Variants in KMT2C observed in about 807,000 individuals in gnomAD.
KMT2C encodes the protein histone-lysine N-methyltransferase 2C.
Under a neutral mutation model 507.9 loss-of-function variants are expected in KMT2C, and 88 were observed. The ratio of observed to expected loss-of-function variants is 0.17; its 90% CI spans 0.15 to 0.21. KMT2C has a LOEUF of 0.21. Ranked by LOEUF, KMT2C falls within the 10% of genes least tolerant of loss-of-function variation. KMT2C has a pLI of 1.00. For synonymous variants in KMT2C, 2,049 were observed against 2,080.8 expected (o/e 0.98, Z 0.42); for missense variants, 4,954 against 5,957.8 (o/e 0.83, Z 5.55).
intron 1 of KMT2C, chr7:152,367,820 G>T: frequency 2.2e-6 from 2 of 924,760 alleles, no homozygotes; most frequent in Non-Finnish European, 3.6e-6. Flanking sequence ...CTAATAGCAG[G>T]GTGCAGTGTT....
chr7:152,189,483 T>A (rs1458355477), intron 31 of KMT2C, among the ~76,000 whole-genome samples: 2 of 151,994 alleles, frequency 1.3e-5, no homozygotes, highest in Admixed American at 1.3e-4. Flanking sequence ...ATCACTTGAT[T>A]TTTTTTTATC....
intron 1 of KMT2C, among the ~76,000 whole-genome samples, chr7:152,365,986 C>A (rs1048752307): frequency 1.3e-5 from 2 of 152,038 alleles, no homozygotes; most frequent in Non-Finnish European, 2.9e-5. Context: ...ACCAAAAAAA[C>A]ATGAAAAGAT....
rs772218976 is a variant in KMT2C, at chr7:152,176,913, T to C, written c.8540A>G (p.Asp2847Gly). 6.8e-6 allele frequency: 11 copies of C among 1,614,190 alleles called. No homozygotes were observed. The South Asian group carries it at 1.2e-4, about 18-fold the overall frequency. The change falls in exon 38 of 59, where the codon GAT becomes GGT. Residue 2847 changes from aspartate to glycine, a missense_variant. Asp to Gly is a moderately conservative substitution (Grantham distance 94, BLOSUM62 -1). This residue lies in a region of KMT2C where 1,689 missense variants were observed against 1,654.3 expected (regional missense o/e 1.02). Transcript: ENST00000262189. ...CETEKNDENK[D>G]NVDTPCSQAS... ...CTGTGAGCAAGGAGTGTCAACATTA[T>C]CTTTATTCTCATCATTTTTTTCAGT... is the stretch of plus-strand genomic sequence containing the variant.
chr7:152,280,085 C>A, intron 6 of KMT2C, among the ~76,000 whole-genome samples: 1 of 152,232 alleles, frequency 6.6e-6, no homozygotes, highest in East Asian at 1.9e-4. Flanking sequence ...CAAATAACCT[C>A]TTTGAAAGCG....
intron 31 of KMT2C, among the ~76,000 whole-genome samples, 158 bp downstream of exon 31, chr7:152,193,851 G>C (rs2093882849): frequency 1.3e-5 from 2 of 152,192 alleles, no homozygotes; most frequent in African/African-American, 4.8e-5. Context: ...GCTATGTGAA[G>C]TCAGTATTTT....
chr7:152,264,380 G>A (rs112514615), intron 8 of KMT2C, among the ~76,000 whole-genome samples: 19 of 152,144 alleles, frequency 1.2e-4, no homozygotes, highest in Non-Finnish European at 1.6e-4. Context: ...GGGTGCAAGC[G>A]GAAATCACAG....
intron 23 of KMT2C, among the ~76,000 whole-genome samples, chr7:152,214,666 G>T (rs974974861): frequency 6.6e-6 from 1 of 152,184 alleles, no homozygotes; most frequent in African/African-American, 2.4e-5. Flanking sequence ...GGATGAACCG[G>T]GAGGAAAGTA....
At chr7:152,191,218 A>G (rs879206847) in intron 31 of KMT2C, among the ~76,000 whole-genome samples, 1 of 152,210 alleles carries the variant, frequency 6.6e-6, no homozygotes, top group Non-Finnish European at 1.5e-5. Flanking sequence ...ACTAACTGCA[A>G]CTGCCTGTAA....
chr7:152,146,875 T>C (rs2091154326), intron 52 of KMT2C, 140 bp from the exon 53 acceptor site: 2 of 819,990 alleles, frequency 2.4e-6, no homozygotes, highest in Admixed American at 2.9e-5. Flanking sequence ...TAAATCTGTT[T>C]GGTAATAATC....
At chr7:152,330,899 T>C (rs2096876326) in intron 2 of KMT2C, among the ~76,000 whole-genome samples, 160 bp from the exon 3 acceptor site, 1 of 152,234 alleles carries the variant, frequency 6.6e-6, no homozygotes, top group South Asian at 2.1e-4. Flanking sequence ...TTAGTGGTAT[T>C]GTGCATCTTT....
chr7:152,151,617 G>C, intron 49 of KMT2C, 36 bp from the exon 50 acceptor site: 1 of 1,592,072 alleles, frequency 6.3e-7, no homozygotes, highest in Admixed American at 1.7e-5. Flanking sequence ...AATTAAAACT[G>C]ACTGATGACA....
At chr7:152,166,250 T>G (rs973035383) in intron 42 of KMT2C, among the ~76,000 whole-genome samples, 3 of 150,652 alleles carry the variant, frequency 2.0e-5, no homozygotes, top group Admixed American at 1.3e-4. Context: ...GCCTCCCAAA[T>G]AGCTGGGATT....
At chr7:152,417,071 GTTTATA>G (rs1216118962) in intron 1 of KMT2C, among the ~76,000 whole-genome samples, 1 of 147,970 alleles carries the variant, frequency 6.8e-6, no homozygotes, top group African/African-American at 2.5e-5. Flanking sequence ...AAAAAAAAGA[GTTTATA>G]TTTATCTCAA....
chr7:152,358,453 G>A, intron 2 of KMT2C, 134 bp downstream of exon 2: 1 of 528,710 alleles, frequency 1.9e-6, no homozygotes, highest in Non-Finnish European at 3.3e-6. Flanking sequence ...TCAAAACAAG[G>A]CAGATGGGAA....
At chr7:152,137,881 T>G (rs1175219042) in intron 58 of KMT2C, 1 of 152,218 alleles carries the variant, frequency 6.6e-6, no homozygotes, top group African/African-American at 2.4e-5. Flanking sequence ...CACGTTACTT[T>G]GAGATGTATA....
At chr7:152,395,700 G>T (rs2097534233) in intron 1 of KMT2C, among the ~76,000 whole-genome samples, 1 of 152,010 alleles carries the variant, frequency 6.6e-6, no homozygotes, top group South Asian at 2.1e-4. Context: ...TAGAGACAGG[G>T]TTTCACCATG....
In KMT2C at chr7:152,182,394, T is replaced by G. The variant is rs753978638; in HGVS notation, c.5466A>C (p.Ala1822=). The part of the protein sequence containing the change: ...PQPGNGNMSP[A]QSFHKELFTK... ...TAAACAGTTCTTTATGGAATGACTG[T>G]GCAGGAGACATATTTCCATTGCCAG... The change falls in exon 36 of 59, where the codon GCA becomes GCC. Residue 1822 remains alanine (A), a synonymous_variant. Transcript: ENST00000262189. The G allele has an allele frequency of 6.2e-7, 1 of 1,613,598 alleles. No homozygotes were observed.
Position 152,135,109 on chromosome 7 carries a change from G to A in KMT2C, c.*1723C>T, listed in dbSNP as rs1294480082. The stretch of plus-strand genomic sequence containing the variant: ...AATACTGGTAGGATGTCAGGATATT[G>A]TACAAGAGAAGAAAAATATTCAGGA... On this transcript the variant is annotated 3_prime_UTR_variant, in exon 59 of 59. Coordinates refer to ENST00000262189, the MANE Select transcript of KMT2C (RefSeq NM_170606.3). The A allele has an allele frequency of 4.4e-6, 1 of 226,380 alleles. No individual in the cohort carries two copies. Among genetic ancestry groups the A allele is most frequent in the Non-Finnish European group, 8.8e-6 (1 of 113,750 alleles). 14.0% of individuals were successfully genotyped at this position (226,380 alleles called of 1,614,324 possible). A position where few individuals can be genotyped will look rare whatever the true frequency, so the allele number is the denominator to read the frequency against.
intron 26 of KMT2C, among the ~76,000 whole-genome samples, chr7:152,202,635 T>A (rs1042769445): frequency 5.3e-5 from 8 of 152,194 alleles, no homozygotes; most frequent in Admixed American, 4.6e-4. Context: ...TACATAGCTA[T>A]CAATGACTTG....
Sources: gnomAD v4.1 joint callset for allele counts (sites outside exome capture counted in the v4.1 genomes callset) on GRCh38, gnomAD v4.1.1 for gene constraint, gnomAD v4.1.1 regional missense constraint, MANE v1.5 for transcripts, NCBI Gene and HGNC (gene_info 2026-07-23, HGNC 2026-07-21) for gene names.